PTK2B: variants seen among roughly 807,000 people sequenced by gnomAD.
PTK2B encodes protein tyrosine kinase 2 beta, also known as protein-tyrosine kinase 2-beta.
PTK2B carries 71 observed loss-of-function variants against 142.9 expected under a neutral mutation model. The ratio of observed to expected loss-of-function variants is 0.50; its 90% confidence interval spans 0.41 to 0.61. The LOEUF (loss-of-function observed/expected upper bound fraction) is 0.61. Among genes scored for constraint, PTK2B ranks in the 20% least tolerant of loss-of-function variants. The pLI is 0.00. For missense variants in PTK2B, 1,105 were observed against 1,320.4 expected (o/e 0.84, Z 2.53); for synonymous variants, 519 against 503.4 (o/e 1.03, Z -0.42).
In PTK2B at chr8:27,344,275, G is replaced by A. The variant is rs150690000; in HGVS notation, c.-38+18594G>A. On this transcript the variant is annotated intron_variant, in intron 1 of 30. Transcript: ENST00000346049. ...AATATGTCTCCCCGTGGAGAAGGAC[G>A]AATATCTGGTTTGCACACAATTATT... Among the ~76,000 whole-genome samples, 23 of 152,266 alleles carry A rather than the reference G, an allele frequency of 1.5e-4. No individual in the cohort carries two copies. In the South Asian group the frequency reaches 1.7e-3, roughly 11 times the overall value.
At chr8:27,367,974 C>G (rs1806120174) in intron 1 of PTK2B, among the ~76,000 whole-genome samples, 4 of 152,250 alleles carry the variant, frequency 2.6e-5, no homozygotes, top group Admixed American at 6.5e-5. Flanking sequence ...ATCAGGGTCT[C>G]TGATTCCACA....
intron 1 of PTK2B, among the ~76,000 whole-genome samples, chr8:27,391,645 G>A (rs995330902): frequency 1.3e-5 from 2 of 152,210 alleles, no homozygotes; most frequent in South Asian, 2.1e-4. Flanking sequence ...TGGAGGGGAC[G>A]TAAATGCTGC....
At chr8:27,392,559 T>A (rs1807791695) in intron 1 of PTK2B, among the ~76,000 whole-genome samples, 1 of 152,094 alleles carries the variant, frequency 6.6e-6, no homozygotes. Flanking sequence ...AAAATGAGGC[T>A]GGGATAGGTA....
intron 1 of PTK2B, among the ~76,000 whole-genome samples, chr8:27,351,316 CTG>C (rs1805077736): frequency 6.6e-6 from 1 of 151,872 alleles, no homozygotes; most frequent in South Asian, 2.1e-4. Context: ...CCGATAGGAA[CTG>C]TAATAATCAC....
In PTK2B at chr8:27,430,863, TC is replaced by T. The variant is rs774000082; in HGVS notation, c.670-9del. The T allele has an allele frequency of 1.9e-6, 3 of 1,612,280 alleles. No individual in the cohort carries two copies. The African/African-American group carries it at 4.0e-5, about 22-fold the overall frequency. ...GAGCAGGCATTGCTCACACGGCCCA[TC>T]CCCTCCCCCAGCCCAAACAGTTCCG... On this transcript the variant is annotated splice_polypyrimidine_tract_variant and intron_variant, in intron 7 of 30. Transcript: ENST00000346049.
At chr8:27,336,723 C>T (rs1804087291) in intron 1 of PTK2B, among the ~76,000 whole-genome samples, 1 of 152,240 alleles carries the variant, frequency 6.6e-6, no homozygotes, top group Admixed American at 6.5e-5. Context: ...CAGTGTCCTT[C>T]TTGTCACCAG....
chr8:27,431,557 A>C, intron 9 of PTK2B, 85 bp downstream of exon 9: 10 of 1,538,688 alleles, frequency 6.5e-6, no homozygotes, highest in Non-Finnish European at 8.9e-6. Context: ...CTGCCCCTTC[A>C]GTTCTTCTTG....
In PTK2B at chr8:27,397,600, G is replaced by C; in HGVS notation, c.16G>C (p.Glu6Gln). Residue 6 changes from glutamate (E) to glutamine (Q), a missense_variant, in exon 2 of 31, where the codon GAG (glutamate) becomes CAG (glutamine). Glu to Gln is a conservative substitution (Grantham distance 29, BLOSUM62 2). Transcript: ENST00000346049. ...GCCTGAGAGGATGTCTGGGGTGTCC[G>C]AGCCCCTGAGTCGAGTAAAGTTGGG... is the stretch of plus-strand genomic sequence containing the variant. MSGVS[E>Q]PLSRVKLGTL... 6.2e-7 allele frequency: 1 copy of C among 1,613,882 alleles called. No individual in the cohort carries two copies. The highest frequency in any genetic ancestry group is 8.5e-7 in the Non-Finnish European group (1 of 1,180,034).
Position 27,363,957 on chromosome 8 carries a change from C to T in PTK2B, c.-37-33591C>T, listed in dbSNP as rs906725791. The stretch of plus-strand genomic sequence containing the variant: ...GCCCGGCCGCCTGTCTTGACACATG[C>T]GCACAAGCAGCTCCCCCAAGTTAAG... On this transcript the variant is annotated intron_variant, in intron 1 of 30. Transcript: ENST00000346049. This position sits in a 1 kb window ranked among gnomAD's most constrained non-coding sequence, Gnocchi z 4.3. 6.6e-5 allele frequency among the ~76,000 whole-genome samples: 10 copies of T among 152,306 alleles called. No homozygotes were observed. Among genetic ancestry groups the T allele is most frequent in the East Asian group, 3.9e-4 (2 of 5,180 alleles).
chr8:27,434,018 T>C, intron 11 of PTK2B, 75 bp from the exon 12 acceptor site: 1 of 1,515,338 alleles, frequency 6.6e-7, no homozygotes, highest in Non-Finnish European at 9.2e-7. Flanking sequence ...CTTGTAGGAA[T>C]AGTGAGGAGG....
Position 27,430,078 on chromosome 8 carries a change from C to T in PTK2B, c.552-15C>T. On this transcript the variant is annotated splice_polypyrimidine_tract_variant and intron_variant, in intron 5 of 30. Coordinates refer to ENST00000346049, the MANE Select transcript of PTK2B (RefSeq NM_173176.3). Reference sequence around the variant, plus strand: ...TCCAGCCTTCAGCCTCCCTCTCCACCACCTATTTCTCCAGGCGGTTCTTCA... The same window carrying T: ...TCCAGCCTTCAGCCTCCCTCTCCACTACCTATTTCTCCAGGCGGTTCTTCA... The T allele has an allele frequency of 1.1e-5, 18 of 1,611,762 alleles. No individual in the cohort carries two copies. Among genetic ancestry groups the T allele is most frequent in the Non-Finnish European group, 1.5e-5 (18 of 1,177,910 alleles).
At chr8:27,327,843 G>T (rs1474339827) in intron 1 of PTK2B, among the ~76,000 whole-genome samples, 1 of 152,216 alleles carries the variant, frequency 6.6e-6, no homozygotes, top group Non-Finnish European at 1.5e-5. Flanking sequence ...GTTTGTGCAG[G>T]TGGTTGGGAG....
At chr8:27,422,226 C>T in intron 4 of PTK2B, 78 bp from the exon 5 acceptor site, 1 of 1,384,676 alleles carries the variant, frequency 7.2e-7, no homozygotes, top group Middle Eastern at 1.8e-4. Flanking sequence ...GAATGAGGCC[C>T]TTAATCTTCT....
chr8:27,416,278 C>T (rs934307080), intron 2 of PTK2B, among the ~76,000 whole-genome samples: 4 of 152,180 alleles, frequency 2.6e-5, no homozygotes, highest in Non-Finnish European at 5.9e-5. Context: ...TTCAAGATCT[C>T]ATGTAAAGCT....
intron 1 of PTK2B, among the ~76,000 whole-genome samples, chr8:27,364,582 C>T (rs1805908470): frequency 6.6e-6 from 1 of 152,190 alleles, no homozygotes; most frequent in Admixed American, 6.5e-5. Flanking sequence ...CTCAGTACTG[C>T]AGGGACTGAA....
intron 2 of PTK2B, among the ~76,000 whole-genome samples, chr8:27,400,381 T>G (rs1308380818): frequency 2.0e-5 from 3 of 150,910 alleles, no homozygotes; most frequent in African/African-American, 7.3e-5. Context: ...AACCACTAGA[T>G]CTCTGGCCAA....
chr8:27,362,103 C>G (rs1185075926), intron 1 of PTK2B, among the ~76,000 whole-genome samples: 1 of 152,212 alleles, frequency 6.6e-6, no homozygotes, highest in Non-Finnish European at 1.5e-5. Context: ...GCTGACCTGT[C>G]TGGGCAGGCC....
chr8:27,389,621 G>A (rs1222923673), intron 1 of PTK2B, among the ~76,000 whole-genome samples: 4 of 152,248 alleles, frequency 2.6e-5, no homozygotes, highest in Non-Finnish European at 5.9e-5. Context: ...GTGGGTAATG[G>A]GTGCGGGGGT....
chr8:27,314,338 C>A (rs1803047040), intron 3 of PTK2B, among the ~76,000 whole-genome samples: 1 of 152,194 alleles, frequency 6.6e-6, no homozygotes, highest in South Asian at 2.1e-4. Context: ...ACCTGTAACC[C>A]CAGCACTTTG....
Sources: allele counts gnomAD v4.1 joint callset (sites outside exome capture counted in the v4.1 genomes callset), GRCh38; gene constraint gnomAD v4.1.1; non-coding constraint Gnocchi (gnomAD v3.1); transcripts MANE v1.5; gene names NCBI Gene and HGNC (gene_info 2026-07-23, HGNC 2026-07-21).